Variants in CHCHD3 observed in about 807,000 individuals in gnomAD.
The protein encoded by CHCHD3 is MICOS complex subunit MIC19.
Under a neutral mutation model 38.2 loss-of-function variants are expected in CHCHD3, and 20 were observed. That is an observed-to-expected ratio of 0.52 (90% CI 0.37 to 0.76). CHCHD3 has a LOEUF of 0.76. Among genes scored for constraint, CHCHD3 ranks in the 30% least tolerant of loss-of-function variants. The probability of loss-of-function intolerance (pLI) is 0.00; values close to 1 mark genes in which losing one functional copy is unlikely to be tolerated. For missense variants in CHCHD3, 245 were observed against 279.2 expected (o/e 0.88, Z 0.87); for synonymous variants, 82 against 100.0 (o/e 0.82, Z 1.07).
chr7:132,931,289 T>G (rs549103318), intron 4 of CHCHD3, among the ~76,000 whole-genome samples: 4 of 152,346 alleles, frequency 2.6e-5, no homozygotes, highest in African/African-American at 9.6e-5. Flanking sequence ...TAAAAGTTAT[T>G]TGGAAAACCA....
chr7:133,021,856 G>A (rs770826799), intron 3 of CHCHD3, among the ~76,000 whole-genome samples: 6 of 152,260 alleles, frequency 3.9e-5, no homozygotes, highest in Admixed American at 6.5e-5. Flanking sequence ...GGAGGCTAAG[G>A]CAGGTGGATC....
chr7:132,983,557 A>G (rs1007312459), intron 3 of CHCHD3, among the ~76,000 whole-genome samples: 1 of 152,206 alleles, frequency 6.6e-6, no homozygotes, highest in African/African-American at 2.4e-5. Flanking sequence ...CTAATCATCG[A>G]GTGAGCAGTT....
chr7:133,008,459 G>A (rs776221338), intron 3 of CHCHD3, among the ~76,000 whole-genome samples: 1 of 151,214 alleles, frequency 6.6e-6, no homozygotes, highest in African/African-American at 2.4e-5. Context: ...CAATTTCATG[G>A]TGAAGGAAGG....
chr7:132,899,491 T>C (rs1450563338), intron 4 of CHCHD3, among the ~76,000 whole-genome samples: 5 of 152,150 alleles, frequency 3.3e-5, no homozygotes, highest in African/African-American at 9.7e-5. Context: ...GATTTGTTAA[T>C]TAACACAAAA....
At chr7:132,915,744 GAGA>G (rs1338963466) in intron 4 of CHCHD3, among the ~76,000 whole-genome samples, 5 of 152,082 alleles carry the variant, frequency 3.3e-5, no homozygotes, top group Non-Finnish European at 7.4e-5. Context: ...GTACTTAAGA[GAGA>G]AGATTTCCTA....
intron 4 of CHCHD3, among the ~76,000 whole-genome samples, chr7:132,938,023 T>C (rs923670784): frequency 6.6e-6 from 1 of 152,198 alleles, no homozygotes; most frequent in African/African-American, 2.4e-5. Context: ...ATACATGAAG[T>C]GTTTCTATAA....
At chr7:132,987,783 G>C (rs1812160084) in intron 3 of CHCHD3, among the ~76,000 whole-genome samples, 1 of 152,060 alleles carries the variant, frequency 6.6e-6, no homozygotes, top group Non-Finnish European at 1.5e-5. Context: ...AAGTCAGACA[G>C]AAATTATAAG....
intron 4 of CHCHD3, 36 bp downstream of exon 4, chr7:132,975,133 A>G: frequency 6.6e-7 from 1 of 1,510,406 alleles, no homozygotes; most frequent in Non-Finnish European, 9.2e-7. Flanking sequence ...ATTTCCTTGT[A>G]GGCAAGAAAA....
At chr7:133,024,134 T>C (rs551288631) in intron 3 of CHCHD3, among the ~76,000 whole-genome samples, 5 of 152,258 alleles carry the variant, frequency 3.3e-5, no homozygotes, top group Non-Finnish European at 7.3e-5. Flanking sequence ...GTGCTATTTG[T>C]TAATCCGGGC....
chr7:132,927,493 T>C (rs28686910), intron 4 of CHCHD3, among the ~76,000 whole-genome samples: 2,709 of 152,340 alleles, frequency 0.018, 58 homozygotes, highest in East Asian at 0.11. Flanking sequence ...TTCAACACTG[T>C]ATCTCGCCCA....
intron 6 of CHCHD3, among the ~76,000 whole-genome samples, chr7:132,809,466 C>T (rs1169837104): frequency 6.6e-6 from 1 of 152,132 alleles, no homozygotes; most frequent in Admixed American, 6.5e-5. Context: ...GAATGAATAG[C>T]CTGCAAAATG....
At chr7:132,815,475 CT>C in intron 6 of CHCHD3, 1 of 443,952 alleles carries the variant, frequency 2.3e-6, no homozygotes, top group Non-Finnish European at 4.5e-6. Flanking sequence ...CTCTGATTAC[CT>C]TTTAGGTCCC....
At chr7:132,855,564 T>C (rs1471222868) in intron 5 of CHCHD3, among the ~76,000 whole-genome samples, 3 of 152,180 alleles carry the variant, frequency 2.0e-5, no homozygotes, top group Non-Finnish European at 4.4e-5. Context: ...AGGAAAGGCC[T>C]TTTTGAAAGA....
At chr7:132,816,696 C>G (rs1807208928) in intron 6 of CHCHD3, among the ~76,000 whole-genome samples, 1 of 152,196 alleles carries the variant, frequency 6.6e-6, no homozygotes, top group South Asian at 2.1e-4. Flanking sequence ...AGCGGCTTGC[C>G]TGATCACTCC....
At chr7:132,990,129 C>T (rs914248940) in intron 3 of CHCHD3, among the ~76,000 whole-genome samples, 3 of 152,088 alleles carry the variant, frequency 2.0e-5, no homozygotes, top group Non-Finnish European at 4.4e-5. Context: ...GCCGAGATCA[C>T]GCCATTGCAC....
At chr7:133,040,100 C>T (rs148048376) in intron 2 of CHCHD3, among the ~76,000 whole-genome samples, 3 of 152,232 alleles carry the variant, frequency 2.0e-5, no homozygotes, top group South Asian at 2.1e-4. Flanking sequence ...CCAACTCTAC[C>T]CTTTGTCAGA....
chr7:132,902,933 T>C (rs551707511), intron 4 of CHCHD3, among the ~76,000 whole-genome samples: 1 of 152,358 alleles, frequency 6.6e-6, no homozygotes, highest in Admixed American at 6.5e-5. Context: ...TCCCAAATTC[T>C]AGAAACTCCT....
chr7:132,812,442 C>A (rs1024151275), intron 6 of CHCHD3, among the ~76,000 whole-genome samples: 4 of 152,002 alleles, frequency 2.6e-5, no homozygotes, highest in Non-Finnish European at 5.9e-5. Context: ...CTCTTGACCT[C>A]AAGTGATCTA....
intron 6 of CHCHD3, among the ~76,000 whole-genome samples, chr7:132,835,031 TGCTATCTCA>T (rs978634313): frequency 2.6e-5 from 4 of 151,750 alleles, no homozygotes; most frequent in African/African-American, 9.7e-5. Context: ...AAGGCAGTGG[TGCTATCTCA>T]GCTCACTGCA....
Sources: allele counts gnomAD v4.1 joint callset (sites outside exome capture counted in the v4.1 genomes callset), GRCh38; gene constraint gnomAD v4.1.1; transcripts MANE v1.5; gene names NCBI Gene and HGNC (gene_info 2026-07-23, HGNC 2026-07-21).